CHRNB1: variants seen among roughly 807,000 people sequenced by gnomAD.
The protein encoded by CHRNB1 is acetylcholine receptor subunit beta.
CHRNB1 carries 47 observed loss-of-function variants against 53.8 expected under a neutral mutation model. That is an observed-to-expected ratio of 0.87 (90% CI 0.69 to 1.11). The LOEUF (loss-of-function observed/expected upper bound fraction) is 1.11, where lower values mean the gene tolerates loss of function less well. CHRNB1 is among the 50% of genes most tolerant of loss of function. The pLI is 0.00. For missense variants in CHRNB1, 605 were observed against 654.9 expected (o/e 0.92, Z 0.83); for synonymous variants, 259 against 263.5 (o/e 0.98, Z 0.16).
chr17:7,456,050 T>TTTTTTTTTGGC lies in CHRNB1; in HGVS notation c.1365+117_1365+118insGGCTTTTTTTT. The TTTTTTTTTGGC allele has an allele frequency of 4.8e-5, 3 of 63,022 alleles. No individual in the cohort carries two copies. In the East Asian group the frequency reaches 6.4e-4, roughly 13 times the overall value. The allele number at this position is 63,022 out of a possible 1,614,324, so 3.9% of individuals were successfully genotyped here. On this transcript the variant is annotated intron_variant, in intron 10 of 10. Transcript: ENST00000306071. ...TTTTTTTGTGTGGTTTTTTTTTGGC[T>TTTTTTTTTGGC]TTTTTTTTTTTTTTTTTTTTTTGAG...
chr17:7,455,493 G>C (rs377089087), intron 9 of CHRNB1, 37 bp downstream of exon 9: 3 of 1,610,410 alleles, frequency 1.9e-6, no homozygotes, highest in Non-Finnish European at 2.5e-6. Flanking sequence ...AGAGGGAGAG[G>C]GAGAACTACA....
chr17:7,450,229 C>T (rs1256324731), intron 7 of CHRNB1, among the ~76,000 whole-genome samples: 10 of 151,482 alleles, frequency 6.6e-5, no homozygotes, highest in African/African-American at 2.4e-4. Flanking sequence ...CTGCAACCTC[C>T]ACCTCCTGGG....
intron 10 of CHRNB1, 110 bp from the exon 11 acceptor site, chr17:7,456,473 G>A (rs1597755849): frequency 1.4e-6 from 2 of 1,412,480 alleles, no homozygotes; most frequent in East Asian, 2.3e-5. Context: ...GCCGGCTGTT[G>A]CCTCAAACCA....
chr17:7,446,319 G>A (rs1280708143), intron 3 of CHRNB1: 2 of 290,752 alleles, frequency 6.9e-6, no homozygotes, highest in Admixed American at 7.8e-5. Flanking sequence ...GTGTGTGTGT[G>A]TGTGTGTCTG....
Position 7,454,469 on chromosome 17 carries a change from C to T in CHRNB1, c.993C>T (p.Asn331=), listed in dbSNP as rs927431484. Residue 331 remains asparagine (N), a synonymous_variant, in exon 8 of 11, where the codon AAC becomes AAT. Coordinates refer to ENST00000306071, the MANE Select transcript of CHRNB1 (RefSeq NM_000747.3). The part of the protein sequence containing the change: ...FSVILSVVVL[N]LHHRSPHTHQ... ...TCATCCTTAGTGTCGTGGTTCTCAA[C>T]CTGCACCACCGCTCACCCCACACCC... 2 of 1,614,166 alleles carry T rather than the reference C, an allele frequency of 1.2e-6. No individual in the cohort carries two copies. The highest frequency in any genetic ancestry group is 8.5e-7 in the Non-Finnish European group (1 of 1,180,034).
intron 7 of CHRNB1, among the ~76,000 whole-genome samples, chr17:7,450,363 C>T (rs1419824599): frequency 6.6e-6 from 1 of 151,938 alleles, no homozygotes; most frequent in African/African-American, 2.4e-5. Flanking sequence ...AGGCTGGTCT[C>T]GAACTCCTGA....
At chr17:7,455,177 C>A in intron 8 of CHRNB1, 107 bp from the exon 9 acceptor site, 1 of 1,241,500 alleles carries the variant, frequency 8.1e-7, no homozygotes, top group Non-Finnish European at 1.2e-6. Context: ...AATATGCACG[C>A]ACATACTCAC....
At chr17:7,455,996 C>G in intron 10 of CHRNB1, 55 bp downstream of exon 10, 1 of 1,547,832 alleles carries the variant, frequency 6.5e-7, no homozygotes, top group Non-Finnish European at 8.9e-7. Flanking sequence ...GGCCCCACCC[C>G]CAAATTCCGC....
At chr17:7,446,424 C>G in intron 3 of CHRNB1, 1 of 528,618 alleles carries the variant, frequency 1.9e-6, no homozygotes, top group Non-Finnish European at 3.4e-6. Context: ...GGGGCTCGAG[C>G]CATCCACCAG....
intron 8 of CHRNB1, among the ~76,000 whole-genome samples, chr17:7,455,022 T>G (rs1192426084): frequency 6.6e-6 from 1 of 151,876 alleles, no homozygotes; most frequent in African/African-American, 2.4e-5. Flanking sequence ...AGGCTGGTCT[T>G]GAACTCCTGA....
In CHRNB1 at chr17:7,457,277, A is replaced by G. The variant is rs1321536547; in HGVS notation, c.*554A>G. 2 of 161,092 alleles carry G rather than the reference A, an allele frequency of 1.2e-5. No homozygotes were observed. The highest frequency in any genetic ancestry group is 1.4e-5 in the Non-Finnish European group (1 of 72,956). The allele number at this position is 161,092 out of a possible 1,614,324, so 10.0% of individuals were successfully genotyped here. On this transcript the variant is annotated 3_prime_UTR_variant, in exon 11 of 11. Coordinates refer to ENST00000306071, the MANE Select transcript of CHRNB1 (RefSeq NM_000747.3). ...GGTTGCAGTGAGTCAAGATCACGCC[A>G]TTGCACTCCAGCCTGGGCAACAAGA...
In CHRNB1 at chr17:7,455,954, G is replaced by A; in HGVS notation, c.1365+13G>A. ...GGACCACGATGCGGTATGTCCAACG[G>A]GGGTGGAACAAGGCCAGGTCTAGGC... On this transcript the variant is annotated intron_variant, in intron 10 of 10. Transcript: ENST00000306071. 6.2e-7 allele frequency: 1 copy of A among 1,614,082 alleles called. No homozygotes were observed. The highest frequency in any genetic ancestry group is 8.5e-7 in the Non-Finnish European group (1 of 1,179,998).
In CHRNB1 at chr17:7,446,816, A is replaced by T; in HGVS notation, c.244-17A>T. The T allele has an allele frequency of 6.2e-7, 1 of 1,607,492 alleles. No individual in the cohort carries two copies. On this transcript the variant is annotated splice_polypyrimidine_tract_variant and intron_variant, in intron 3 of 10. Transcript: ENST00000306071. The stretch of plus-strand genomic sequence containing the variant: ...GGCCTCCAACCCGGGGCAGCCCCTC[A>T]GCCTCTGCTTCACTAGGAGTGGACT...
intron 9 of CHRNB1, 114 bp downstream of exon 9, chr17:7,455,570 G>A: frequency 1.5e-6 from 2 of 1,365,488 alleles, no homozygotes; most frequent in Non-Finnish European, 2.1e-6. Context: ...GAGCATCATG[G>A]GAGTTGTAGT....
At chr17:7,455,687 C>T (rs1233063372) in intron 9 of CHRNB1, 107 bp from the exon 10 acceptor site, 14 of 1,478,334 alleles carry the variant, frequency 9.5e-6, no homozygotes, top group Non-Finnish European at 1.3e-5. Context: ...ATGATGGGCT[C>T]TCGGGTTTTG....
chr17:7,448,209 A>AC (rs1270211522), intron 6 of CHRNB1, among the ~76,000 whole-genome samples: 1 of 150,980 alleles, frequency 6.6e-6, no homozygotes, highest in Non-Finnish European at 1.5e-5. Flanking sequence ...ACATGGTGAA[A>AC]CCCCGTCTCT....
Position 7,445,223 on chromosome 17 carries a change from C to T in CHRNB1, c.58+38C>T, listed in dbSNP as rs200985395. 8.7e-6 allele frequency: 14 copies of T among 1,611,222 alleles called. No individual in the cohort carries two copies. The highest frequency in any genetic ancestry group is 5.1e-6 in the Non-Finnish European group (6 of 1,179,376). ...CCCGAAGGGGCAGTGACGGGGCCAG[C>T]GGTCGTGGCCAGGCACCAGGGCTGC... On this transcript the variant is annotated intron_variant, in intron 1 of 10. Coordinates refer to ENST00000306071, the MANE Select transcript of CHRNB1 (RefSeq NM_000747.3). This position sits in a 1 kb window ranked among gnomAD's most constrained non-coding sequence, Gnocchi z 5.7.
Position 7,446,851 on chromosome 17 carries a change from C to A in CHRNB1, c.262C>A (p.Leu88Met), listed in dbSNP as rs752110148. 3 of 1,613,840 alleles carry A rather than the reference C, an allele frequency of 1.9e-6. No homozygotes were observed. Among genetic ancestry groups the A allele is most frequent in the Non-Finnish European group, 2.5e-6 (3 of 1,179,982 alleles). The change falls in exon 4 of 11, where the codon CTG becomes ATG. Residue 88 changes from leucine to methionine, a missense_variant. Transcript: ENST00000306071. ...TCACTAGGAGTGGACTGACTACAGG[C>A]TGAGCTGGGACCCTGCGGAGCACGA... ...YLDLEWTDYR[L>M]SWDPAEHDGI...
intron 7 of CHRNB1, among the ~76,000 whole-genome samples, chr17:7,453,813 C>T (rs2150842142): frequency 1.3e-5 from 2 of 151,618 alleles, no homozygotes; most frequent in Non-Finnish European, 2.9e-5. Flanking sequence ...GTAATCCCAA[C>T]AGTTTGGGAG....
Sources: gnomAD v4.1 joint callset for allele counts (sites outside exome capture counted in the v4.1 genomes callset) on GRCh38, gnomAD v4.1.1 for gene constraint, Gnocchi (gnomAD v3.1) non-coding constraint, MANE v1.5 for transcripts, NCBI Gene and HGNC (gene_info 2026-07-23, HGNC 2026-07-21) for gene names.